SLC35F3: variants seen among roughly 807,000 people sequenced by gnomAD.
SLC35F3 encodes putative thiamine transporter SLC35F3.
SLC35F3 carries 25 observed loss-of-function variants against 49.9 expected under a neutral mutation model. That is an observed-to-expected ratio of 0.50 (90% CI 0.37 to 0.70). The LOEUF is 0.70. SLC35F3 is among the 30% of genes least tolerant of loss of function. SLC35F3 has a pLI of 0.00. For missense variants in SLC35F3, 525 were observed against 639.8 expected (o/e 0.82, Z 1.94); for synonymous variants, 275 against 265.4 (o/e 1.04, Z -0.35).
intron 2 of SLC35F3, among the ~76,000 whole-genome samples, chr1:234,143,450 G>A (rs1391506437): frequency 2.6e-5 from 4 of 151,826 alleles, no homozygotes; most frequent in African/African-American, 4.8e-5. Flanking sequence ...CATCATGCCC[G>A]GCTAATTTTT....
At chr1:234,237,674 G>T (rs545429786) in intron 3 of SLC35F3, among the ~76,000 whole-genome samples, 1 of 152,248 alleles carries the variant, frequency 6.6e-6, no homozygotes, top group East Asian at 1.9e-4. Flanking sequence ...AGGTGACAGG[G>T]CCCCTCATCC....
At chr1:234,000,089 C>T (rs886657883) in intron 2 of SLC35F3, among the ~76,000 whole-genome samples, 3 of 151,980 alleles carry the variant, frequency 2.0e-5, no homozygotes, top group Non-Finnish European at 4.4e-5. Context: ...CGCTGTGTAA[C>T]GAGGATATTC....
intron 2 of SLC35F3, among the ~76,000 whole-genome samples, chr1:233,979,890 A>G (rs1032762388): frequency 1.3e-4 from 20 of 152,202 alleles, no homozygotes; most frequent in Non-Finnish European, 1.0e-4. Context: ...TCGTGATGGC[A>G]TAAGTCTTGT....
chr1:234,204,800 T>C (rs954718668), intron 2 of SLC35F3, among the ~76,000 whole-genome samples: 6 of 152,192 alleles, frequency 3.9e-5, no homozygotes, highest in African/African-American at 1.4e-4. Flanking sequence ...CTACACCTCA[T>C]CTCTTTTTGC....
At chr1:233,913,453 G>C (rs752419851) in intron 2 of SLC35F3, among the ~76,000 whole-genome samples, 1 of 152,138 alleles carries the variant, frequency 6.6e-6, no homozygotes, top group Non-Finnish European at 1.5e-5. Context: ...ACATAGTCAC[G>C]ACTAGTTTAA....
At chr1:233,988,635 G>T (rs2102825929) in intron 2 of SLC35F3, among the ~76,000 whole-genome samples, 1 of 152,226 alleles carries the variant, frequency 6.6e-6, no homozygotes, top group African/African-American at 2.4e-5. Flanking sequence ...AGCTTCCTTT[G>T]GGTGTCCTAA....
intron 2 of SLC35F3, among the ~76,000 whole-genome samples, chr1:234,022,629 C>G (rs1390928562): frequency 6.6e-6 from 1 of 152,158 alleles, no homozygotes; most frequent in Non-Finnish European, 1.5e-5. Context: ...ACTTGGTTCT[C>G]TAGCCCAGCC....
intron 2 of SLC35F3, among the ~76,000 whole-genome samples, chr1:234,117,960 G>A (rs1366270917): frequency 0.47 from 40,736 of 85,800 alleles, 8,821 homozygotes; most frequent in East Asian, 0.81. Flanking sequence ...GTGTGTGTGT[G>A]TGTGTATATA....
At chr1:234,166,475 C>A (rs1474169013) in intron 2 of SLC35F3, among the ~76,000 whole-genome samples, 2 of 152,208 alleles carry the variant, frequency 1.3e-5, no homozygotes, top group African/African-American at 4.8e-5. Context: ...TTCATCTCCA[C>A]TATCACCTCT....
At chr1:234,148,384 G>T (rs1666026745) in intron 2 of SLC35F3, among the ~76,000 whole-genome samples, 1 of 152,084 alleles carries the variant, frequency 6.6e-6, no homozygotes, top group South Asian at 2.1e-4. Flanking sequence ...TGTTTTGCAG[G>T]GAAAGAGCAA....
intron 2 of SLC35F3, among the ~76,000 whole-genome samples, chr1:233,933,421 TCACTGCAACCTTGAACTCCTGGACTGAAG>T (rs1264619836): frequency 6.6e-6 from 1 of 152,158 alleles, no homozygotes; most frequent in Non-Finnish European, 1.5e-5. Flanking sequence ...CAATTCTAGC[TCACTGCAACCTTGAACTCCTGGACTGAAG>T]CAATCATCCT....
chr1:234,207,426 C>T (rs147910313), intron 2 of SLC35F3, among the ~76,000 whole-genome samples: 1 of 684 alleles, frequency 1.5e-3, no homozygotes, highest in Non-Finnish European at 3.8e-3. Context: ...TTCTCCCTCC[C>T]TCTTTCCTGC....
intron 2 of SLC35F3, among the ~76,000 whole-genome samples, chr1:234,189,753 T>C (rs1666704194): frequency 6.6e-6 from 1 of 152,152 alleles, no homozygotes; most frequent in Admixed American, 6.5e-5. Flanking sequence ...GATCCTCACC[T>C]AGGCACATAG....
chr1:234,223,132 T>G lies in SLC35F3; in HGVS notation c.284-8285T>G, dbSNP rs150788840. On this transcript the variant is annotated intron_variant, in intron 2 of 7. Coordinates refer to ENST00000366618, the MANE Select transcript of SLC35F3 (RefSeq NM_173508.4). ...CCATACCCTGTCAGTTTCTCGAGAG[T>G]CATGATTCACCTTAGGCTGAGTACA... Among the ~76,000 whole-genome samples, 9 of 152,212 alleles carry G rather than the reference T, an allele frequency of 5.9e-5. 1 individual carries two copies. In the East Asian group the frequency reaches 1.7e-3, roughly 29 times the overall value.
rs917117661 is a variant in SLC35F3 at position 234,046,137 on chromosome 1, C to T, written c.283+140379C>T. On this transcript the variant is annotated intron_variant, in intron 2 of 7. Coordinates refer to ENST00000366618, the MANE Select transcript of SLC35F3 (RefSeq NM_173508.4). The surrounding 1 kb of genome is among the most constrained non-coding windows in gnomAD (Gnocchi z 4.4). ...TTTGTGCATGTATAACAGAGTTTCT[C>T]CAGAGTGTGTACAGCAAAGTAAAAT... Among the ~76,000 whole-genome samples the T allele has an allele frequency of 3.3e-5, 5 of 152,176 alleles. No individual in the cohort carries two copies. The East Asian group carries it at 9.6e-4, about 29-fold the overall frequency.
intron 2 of SLC35F3, among the ~76,000 whole-genome samples, chr1:234,096,402 G>A (rs953362775): frequency 2.0e-5 from 3 of 152,120 alleles, no homozygotes; most frequent in East Asian, 1.9e-4. Context: ...ACACTCTGTA[G>A]CTCTGGCCAA....
At chr1:234,068,839 A>ATATGGCATATT (rs1553302356) in intron 2 of SLC35F3, among the ~76,000 whole-genome samples, 1 of 132,790 alleles carries the variant, frequency 7.5e-6, no homozygotes, top group Non-Finnish European at 1.6e-5. Flanking sequence ...ATATATATAT[A>ATATGGCATATT]TATATATATA....
chr1:234,210,421 T>C lies in SLC35F3; in HGVS notation c.284-20996T>C, dbSNP rs993875298. ...ACAGTTTGGAGGGCTCAGAAGAAGA[T>C]AAGAAAATGTGGGAAAGTTTGGAAC... On this transcript the variant is annotated intron_variant, in intron 2 of 7. Coordinates refer to ENST00000366618, the MANE Select transcript of SLC35F3 (RefSeq NM_173508.4). 3.3e-5 allele frequency among the ~76,000 whole-genome samples: 5 copies of C among 152,210 alleles called. 1 individual carries two copies. Among genetic ancestry groups the C allele is most frequent in the Admixed American group, 1.3e-4 (2 of 15,286 alleles).
At chr1:234,243,356 ATAAT>A (rs1395193873) in intron 3 of SLC35F3, among the ~76,000 whole-genome samples, 1 of 152,238 alleles carries the variant, frequency 6.6e-6, no homozygotes, top group Non-Finnish European at 1.5e-5. Context: ...TCAAAAAAAA[ATAAT>A]AAAGTGTTAC....
Sources: gnomAD v4.1 joint callset for allele counts (sites outside exome capture counted in the v4.1 genomes callset) on GRCh38, gnomAD v4.1.1 for gene constraint, Gnocchi (gnomAD v3.1) non-coding constraint, MANE v1.5 for transcripts, NCBI Gene and HGNC (gene_info 2026-07-23, HGNC 2026-07-21) for gene names.